The following IL1RAP variants were observed in gnomAD, a reference collection of about 807,000 sequenced individuals.
The protein encoded by IL1RAP is interleukin 1 receptor accessory protein.
A neutral mutation model predicts 60.7 loss-of-function variants in IL1RAP; 35 were observed. The observed-to-expected ratio is 0.58, with a 90% CI of 0.44 to 0.76. The LOEUF (loss-of-function observed/expected upper bound fraction) is 0.76. IL1RAP is among the 30% of genes least tolerant of loss of function. The pLI is 0.00. For missense variants in IL1RAP, 572 were observed against 693.9 expected (o/e 0.82, Z 1.97); for synonymous variants, 268 against 250.9 (o/e 1.07, Z -0.64).
chr3:190,646,574 G>A (rs1734031783), intron 11 of IL1RAP, among the ~76,000 whole-genome samples: 1 of 152,108 alleles, frequency 6.6e-6, no homozygotes, highest in South Asian at 2.1e-4. Context: ...GATCCGCACA[G>A]TAACACACAA....
chr3:190,549,999 G>C (rs1231568330), intron 1 of IL1RAP, among the ~76,000 whole-genome samples: 2 of 152,164 alleles, frequency 1.3e-5, no homozygotes, highest in East Asian at 3.9e-4. Context: ...GTGCGTGAGG[G>C]AGAGAAGGAA....
intron 3 of IL1RAP, among the ~76,000 whole-genome samples, chr3:190,592,673 G>A (rs998165093): frequency 2.0e-5 from 3 of 152,148 alleles, no homozygotes; most frequent in Admixed American, 6.5e-5. Context: ...CAAACTGCTC[G>A]GAGGTGCTAA....
intron 3 of IL1RAP, among the ~76,000 whole-genome samples, chr3:190,567,049 A>G (rs60395740): frequency 0.1 from 15,282 of 152,268 alleles, 928 homozygotes; most frequent in African/African-American, 0.16. Flanking sequence ...GAGTCCTTCC[A>G]TGTGGGCCTT....
intron 1 of IL1RAP, among the ~76,000 whole-genome samples, chr3:190,546,457 T>C (rs1006823146): frequency 2.7e-4 from 41 of 152,354 alleles, no homozygotes; most frequent in African/African-American, 9.1e-4. Flanking sequence ...CCCCACAGCA[T>C]GCTGGCATGT....
intron 10 of IL1RAP, among the ~76,000 whole-genome samples, chr3:190,644,895 C>T (rs765324195): frequency 3.9e-5 from 6 of 152,222 alleles, no homozygotes; most frequent in South Asian, 2.1e-4. Flanking sequence ...ACTCGTGACT[C>T]GTGGCTGCTG....
intron 1 of IL1RAP, among the ~76,000 whole-genome samples, chr3:190,532,794 T>C (rs1432036707): frequency 6.6e-6 from 1 of 152,220 alleles, no homozygotes; most frequent in Non-Finnish European, 1.5e-5. Context: ...AGTACTCTGA[T>C]GTGTCTGACA....
intron 11 of IL1RAP, among the ~76,000 whole-genome samples, chr3:190,647,199 C>T (rs754502648): frequency 3.3e-5 from 5 of 152,190 alleles, no homozygotes. Context: ...GCCTCCAGTG[C>T]CACTGCTTGG....
intron 7 of IL1RAP, among the ~76,000 whole-genome samples, chr3:190,623,748 A>G (rs1484717076): frequency 1.3e-5 from 2 of 152,220 alleles, no homozygotes; most frequent in African/African-American, 4.8e-5. Context: ...AGATTTAGAC[A>G]TCCTTCAAGC....
At chr3:190,529,955 G>C (rs751044868) in intron 1 of IL1RAP, among the ~76,000 whole-genome samples, 8 of 152,090 alleles carry the variant, frequency 5.3e-5, no homozygotes, top group Non-Finnish European at 1.0e-4. Flanking sequence ...ACGTATGTGA[G>C]TTGCAGTACT....
At chr3:190,619,715 G>A (rs1731595488) in intron 5 of IL1RAP, among the ~76,000 whole-genome samples, 1 of 148,170 alleles carries the variant, frequency 6.7e-6, no homozygotes, top group African/African-American at 2.5e-5. Context: ...ACAGACTGAT[G>A]AGACCCTATC....
In IL1RAP at chr3:190,644,244, C is replaced by G. The variant is rs369655572; in HGVS notation, c.1052-4C>G. 40 of 1,611,430 alleles carry G rather than the reference C, an allele frequency of 2.5e-5. No homozygotes were observed. The highest frequency in any genetic ancestry group is 3.4e-5 in the Non-Finnish European group (40 of 1,178,778). On this transcript the variant is annotated splice_region_variant and splice_polypyrimidine_tract_variant and intron_variant, in intron 9 of 11. Coordinates refer to ENST00000447382, the MANE Select transcript of IL1RAP (RefSeq NM_002182.4). ...CAATTCTGTTTCTTTGTTGTTCATT[C>G]CAGTGCCAGCTCCAAGATACACAGT... is the stretch of plus-strand genomic sequence containing the variant.
At chr3:190,566,104 C>T (rs1328321482) in intron 3 of IL1RAP, among the ~76,000 whole-genome samples, 3 of 151,970 alleles carry the variant, frequency 2.0e-5, no homozygotes, top group Admixed American at 1.3e-4. Context: ...TTCCCTCCCT[C>T]TGTCTTGGAT....
intron 3 of IL1RAP, among the ~76,000 whole-genome samples, chr3:190,598,119 G>T (rs758995510): frequency 6.6e-5 from 10 of 152,178 alleles, no homozygotes; most frequent in Non-Finnish European, 1.3e-4. Context: ...TTATAGGAAA[G>T]ATACTAATTT....
chr3:190,636,275 C>A (rs1733216353), intron 9 of IL1RAP, among the ~76,000 whole-genome samples: 1 of 152,134 alleles, frequency 6.6e-6, no homozygotes, highest in Non-Finnish European at 1.5e-5. Flanking sequence ...TTCCAATATA[C>A]TTTGTTATTC....
chr3:190,634,437 C>T (rs1181450125), intron 9 of IL1RAP, among the ~76,000 whole-genome samples: 3 of 151,532 alleles, frequency 2.0e-5, no homozygotes, highest in African/African-American at 7.3e-5. Flanking sequence ...TAGAGGCACC[C>T]GCCACCATAC....
At chr3:190,527,376 C>G (rs2108525400) in intron 1 of IL1RAP, among the ~76,000 whole-genome samples, 1 of 152,320 alleles carries the variant, frequency 6.6e-6, no homozygotes, top group Non-Finnish European at 1.5e-5. Flanking sequence ...GCTTGACATG[C>G]TTGCCTCTAC....
chr3:190,533,928 C>G (rs899616615), intron 1 of IL1RAP, among the ~76,000 whole-genome samples: 1 of 151,970 alleles, frequency 6.6e-6, no homozygotes, highest in African/African-American at 2.4e-5. Flanking sequence ...GCTTGCAGGC[C>G]AGGAGGTCAG....
intron 2 of IL1RAP, among the ~76,000 whole-genome samples, chr3:190,558,416 A>C (rs1725610297): frequency 6.6e-6 from 1 of 152,186 alleles, no homozygotes; most frequent in Non-Finnish European, 1.5e-5. Context: ...TGAGAGTTCC[A>C]ATTGCTTTGC....
intron 9 of IL1RAP, among the ~76,000 whole-genome samples, chr3:190,633,444 C>T (rs1210617183): frequency 1.3e-5 from 2 of 152,096 alleles, no homozygotes; most frequent in Non-Finnish European, 2.9e-5. Flanking sequence ...GCAATCTCCA[C>T]CTCCTGAGTT....
Sources: allele counts gnomAD v4.1 joint callset (sites outside exome capture counted in the v4.1 genomes callset), GRCh38; gene constraint gnomAD v4.1.1; transcripts MANE v1.5; gene names NCBI Gene and HGNC (gene_info 2026-07-23, HGNC 2026-07-21).